Variants in ASTN2 observed in about 807,000 individuals in gnomAD.
ASTN2 encodes astrotactin 2, also known as astrotactin-2.
A neutral mutation model predicts 139.8 loss-of-function variants in ASTN2; 54 were observed. The observed-to-expected ratio is 0.39, with a 90% CI of 0.31 to 0.48. The LOEUF (loss-of-function observed/expected upper bound fraction) is 0.48, where lower values mean the gene tolerates loss of function less well. ASTN2 is among the 20% of genes least tolerant of loss of function. ASTN2 has a pLI of 0.95. For missense variants in ASTN2, 1,565 were observed against 1,725.1 expected (o/e 0.91, Z 1.64); for synonymous variants, 756 against 719.5 (o/e 1.05, Z -0.81).
intron 5 of ASTN2, among the ~76,000 whole-genome samples, chr9:117,040,552 G>T (rs753224750): frequency 1.3e-5 from 2 of 152,128 alleles, no homozygotes; most frequent in Middle Eastern, 3.2e-3. Context: ...TCCGCCACAC[G>T]GGTTCAAGTG....
chr9:116,502,054 T>C (rs1849876297), intron 19 of ASTN2, among the ~76,000 whole-genome samples: 1 of 151,968 alleles, frequency 6.6e-6, no homozygotes, highest in Admixed American at 6.6e-5. Flanking sequence ...TTTCTGGTCA[T>C]GCAAGCAACA....
intron 17 of ASTN2, among the ~76,000 whole-genome samples, chr9:116,638,381 A>T (rs10983287): frequency 2.6e-5 from 4 of 152,204 alleles, no homozygotes; most frequent in African/African-American, 9.7e-5. Flanking sequence ...CATTGCCACA[A>T]GTAACTAACA....
chr9:116,964,157 C>G (rs182526585), intron 10 of ASTN2, among the ~76,000 whole-genome samples: 16 of 151,760 alleles, frequency 1.1e-4, no homozygotes, highest in African/African-American at 3.6e-4. Context: ...ACCTAAGGTA[C>G]AGATCAATTA....
chr9:116,631,837 C>T (rs991704110), intron 17 of ASTN2, among the ~76,000 whole-genome samples: 5 of 152,130 alleles, frequency 3.3e-5, no homozygotes, highest in Middle Eastern at 3.4e-3. Context: ...ACATGTAGGC[C>T]GGGCGTGGTG....
intron 20 of ASTN2, among the ~76,000 whole-genome samples, chr9:116,447,445 C>A (rs1848033988): frequency 6.6e-6 from 1 of 152,122 alleles, no homozygotes; most frequent in African/African-American, 2.4e-5. Flanking sequence ...GCTCAGCACA[C>A]ACAGGTCAGA....
At chr9:116,507,454 G>C (rs1020577639) in intron 19 of ASTN2, among the ~76,000 whole-genome samples, 2 of 152,162 alleles carry the variant, frequency 1.3e-5, no homozygotes, top group Non-Finnish European at 2.9e-5. Context: ...ACTAGAAAGT[G>C]AATGTCTGTG....
At chr9:117,010,379 C>A (rs1043574071) in intron 6 of ASTN2, among the ~76,000 whole-genome samples, 1 of 152,104 alleles carries the variant, frequency 6.6e-6, no homozygotes, top group African/African-American at 2.4e-5. Flanking sequence ...ATGGATAATT[C>A]TTGTATTTAT....
At chr9:117,226,343 T>C (rs1312727162) in intron 2 of ASTN2, among the ~76,000 whole-genome samples, 1 of 152,214 alleles carries the variant, frequency 6.6e-6, no homozygotes, top group Non-Finnish European at 1.5e-5. Flanking sequence ...GATCCTCATC[T>C]TTCTCATCTT....
rs374106271 is a variant in ASTN2, at chr9:116,739,642, C to A, written c.2397-6119G>T. Among the ~76,000 whole-genome samples the A allele has an allele frequency of 5.9e-5, 9 of 152,312 alleles. No individual in the cohort carries two copies. In the South Asian group the frequency reaches 1.5e-3, roughly 25 times the overall value. On this transcript the variant is annotated intron_variant, in intron 13 of 22. Coordinates refer to ENST00000313400, the MANE Select transcript of ASTN2 (RefSeq NM_001365068.1). ...TGTTTTCCACTATGAAGGGCTTTAT[C>A]GTTTCTAACGATACATGTGCTCATG...
intron 20 of ASTN2, among the ~76,000 whole-genome samples, chr9:116,465,016 G>A (rs1019870221): frequency 1.8e-4 from 28 of 152,202 alleles, no homozygotes; most frequent in African/African-American, 6.5e-4. Flanking sequence ...TGGAGGGAAT[G>A]ACCTAGATAT....
chr9:117,050,147 G>A (rs944117553), intron 5 of ASTN2, among the ~76,000 whole-genome samples: 2 of 152,108 alleles, frequency 1.3e-5, no homozygotes, highest in African/African-American at 4.8e-5. Context: ...CACCACCGAT[G>A]AATTGGAGGG....
At chr9:116,677,848 C>T (rs566967678) in intron 16 of ASTN2, among the ~76,000 whole-genome samples, 1 of 152,176 alleles carries the variant, frequency 6.6e-6, no homozygotes, top group Non-Finnish European at 1.5e-5. Context: ...TTTCCTGGCC[C>T]TCTTCCTCCA....
chr9:117,310,120 A>G (rs1273633094), intron 1 of ASTN2, among the ~76,000 whole-genome samples: 2 of 152,174 alleles, frequency 1.3e-5, no homozygotes, highest in East Asian at 1.9e-4. Flanking sequence ...GTGTACACAT[A>G]TACACAAATA....
chr9:116,575,044 T>C (rs910255450), intron 19 of ASTN2, among the ~76,000 whole-genome samples: 2 of 152,196 alleles, frequency 1.3e-5, no homozygotes, highest in African/African-American at 4.8e-5. Context: ...CTTCAGACTT[T>C]TGTACTTGCA....
intron 16 of ASTN2, among the ~76,000 whole-genome samples, chr9:116,712,080 C>T (rs919849459): frequency 6.6e-6 from 1 of 152,162 alleles, no homozygotes; most frequent in Non-Finnish European, 1.5e-5. Flanking sequence ...GATTTGATTC[C>T]TGTCCATCTA....
intron 3 of ASTN2, among the ~76,000 whole-genome samples, chr9:117,149,535 A>C (rs1830280320): frequency 6.6e-6 from 1 of 152,042 alleles, no homozygotes; most frequent in South Asian, 2.1e-4. Flanking sequence ...TGGACTTTGC[A>C]CAGTCAAATG....
intron 17 of ASTN2, among the ~76,000 whole-genome samples, chr9:116,641,615 C>T (rs1171664316): frequency 3.9e-5 from 6 of 152,016 alleles, no homozygotes; most frequent in African/African-American, 1.4e-4. Context: ...TTTTTTATTG[C>T]ATGTAATAAC....
intron 10 of ASTN2, among the ~76,000 whole-genome samples, chr9:116,973,747 A>C (rs1836273041): frequency 6.6e-6 from 1 of 152,238 alleles, no homozygotes; most frequent in Non-Finnish European, 1.5e-5. Flanking sequence ...AACAATGGTA[A>C]ATATCGATGA....
chr9:117,352,034 G>C (rs1829408361), intron 1 of ASTN2, among the ~76,000 whole-genome samples: 1 of 152,174 alleles, frequency 6.6e-6, no homozygotes, highest in African/African-American at 2.4e-5. Flanking sequence ...CAACTGTGAA[G>C]ATTTCCCAAC....
Sources: allele counts gnomAD v4.1 joint callset (sites outside exome capture counted in the v4.1 genomes callset), GRCh38; gene constraint gnomAD v4.1.1; transcripts MANE v1.5; gene names NCBI Gene and HGNC (gene_info 2026-07-23, HGNC 2026-07-21).